ADAM12: variants seen among roughly 807,000 people sequenced by gnomAD.
ADAM12 encodes the protein disintegrin and metalloproteinase domain-containing protein 12.
In ADAM12, 70 loss-of-function variants were observed where a neutral mutation model predicts 106.4. The observed-to-expected ratio is 0.66, with a 90% CI of 0.54 to 0.80. The LOEUF is 0.80. Ranked by LOEUF, ADAM12 falls within the 30% of genes least tolerant of loss-of-function variation. The pLI is 0.00. For synonymous variants in ADAM12, 420 were observed against 433.5 expected, an observed-to-expected ratio of 0.97 and a Z score of 0.39; for missense variants, 1,010 against 1,171.9, an observed-to-expected ratio of 0.86 and a Z score of 2.02.
intron 1 of ADAM12, among the ~76,000 whole-genome samples, chr10:126,373,466 T>C (rs1193197644): frequency 2.0e-5 from 3 of 152,206 alleles, no homozygotes; most frequent in African/African-American, 4.8e-5. Flanking sequence ...GACTGAGTGT[T>C]TGGAGTACTG....
At chr10:126,259,354 A>G (rs1958954629) in intron 3 of ADAM12, among the ~76,000 whole-genome samples, 1 of 152,234 alleles carries the variant, frequency 6.6e-6, no homozygotes, top group Non-Finnish European at 1.5e-5. Context: ...TTGAGAGGAA[A>G]GTCAAGCTCT....
intron 3 of ADAM12, among the ~76,000 whole-genome samples, chr10:126,168,966 T>C (rs1476998212): frequency 6.6e-6 from 1 of 152,092 alleles, no homozygotes; most frequent in Non-Finnish European, 1.5e-5. Flanking sequence ...GGCAGGAGAT[T>C]TGTGTGAATC....
At chr10:126,362,636 T>A (rs1855779158) in intron 1 of ADAM12, among the ~76,000 whole-genome samples, 1 of 152,086 alleles carries the variant, frequency 6.6e-6, no homozygotes, top group Non-Finnish European at 1.5e-5. Context: ...AAATCTGTAA[T>A]TTGCAATATG....
chr10:126,159,031 T>C (rs546004386), intron 3 of ADAM12, among the ~76,000 whole-genome samples: 5 of 152,184 alleles, frequency 3.3e-5, no homozygotes, highest in Admixed American at 1.3e-4. Context: ...AGCACACGGC[T>C]GGGCACAGTG....
Position 126,017,225 on chromosome 10 carries a change from G to T in ADAM12, c.*54C>A. 1 of 1,464,452 alleles carries T rather than the reference G, an allele frequency of 6.8e-7. No individual in the cohort carries two copies. Among genetic ancestry groups the T allele is most frequent in the Non-Finnish European group, 9.2e-7 (1 of 1,081,720 alleles). 90.7% of individuals were successfully genotyped at this position (1,464,452 alleles called of 1,614,324 possible). A position where few individuals can be genotyped will look rare whatever the true frequency, so the allele number is the denominator to read the frequency against. On this transcript the variant is annotated 3_prime_UTR_variant, in exon 23 of 23. Transcript: ENST00000448723. Reference sequence around the variant, plus strand: ...GTTGGTACAAAAAACTCCAACTGGAGCTGAAAGATAGTGCAAACTTCTGTC... The same window carrying T: ...GTTGGTACAAAAAACTCCAACTGGATCTGAAAGATAGTGCAAACTTCTGTC...
chr10:126,331,403 T>A (rs1854506165), intron 1 of ADAM12, among the ~76,000 whole-genome samples: 1 of 152,210 alleles, frequency 6.6e-6, no homozygotes, highest in Non-Finnish European at 1.5e-5. Context: ...CAGTTTTAAG[T>A]TACTAAAGAG....
chr10:126,307,043 G>C (rs1242721490), intron 2 of ADAM12, among the ~76,000 whole-genome samples: 1 of 152,006 alleles, frequency 6.6e-6, no homozygotes, highest in African/African-American at 2.4e-5. Flanking sequence ...GCTCTGTTCT[G>C]TTCCTTCCAT....
chr10:126,253,119 C>T (rs942118032), intron 3 of ADAM12, among the ~76,000 whole-genome samples: 1 of 152,224 alleles, frequency 6.6e-6, no homozygotes, highest in Non-Finnish European at 1.5e-5. Context: ...CCAAAATATG[C>T]TTAGCACTCA....
Position 126,039,302 on chromosome 10 carries a change from T to C in ADAM12, c.2232A>G (p.Glu744=). Residue 744 remains glutamate (E), a synonymous_variant, in exon 19 of 23, where the codon GAA becomes GAG. Transcript: ENST00000448723. ...LLFTNKKTTI[E]KLRCVRPSRP... Reference sequence around the variant, plus strand: ...AGCTAAACCCAGGGTACCTTAGTTTTTCAATGGTGGTCTTCTTATTTGTAA... The same window carrying C: ...AGCTAAACCCAGGGTACCTTAGTTTCTCAATGGTGGTCTTCTTATTTGTAA... 6.2e-7 allele frequency: 1 copy of C among 1,613,894 alleles called. No homozygotes were observed. The highest frequency in any genetic ancestry group is 8.5e-7 in the Non-Finnish European group (1 of 1,179,906).
chr10:126,073,393 CT>C lies in ADAM12; in HGVS notation c.1146-1740del, dbSNP rs1164258179. Among the ~76,000 whole-genome samples, 572 of 148,126 alleles carry C rather than the reference CT, an allele frequency of 3.9e-3. 4 individuals are homozygous for C. Among genetic ancestry groups the C allele is most frequent in the African/African-American group, 9.1e-3 (368 of 40,586 alleles). ...ATGAGCCTTTAAGCCTGGCCCTTAA[CT>C]TTTTTTTTTTAACTTTAATTGTAGG... On this transcript the variant is annotated intron_variant, in intron 11 of 22. Transcript: ENST00000448723.
At chr10:126,092,704 G>A (rs1298124615) in intron 11 of ADAM12, among the ~76,000 whole-genome samples, 3 of 152,164 alleles carry the variant, frequency 2.0e-5, no homozygotes, top group Non-Finnish European at 4.4e-5. Context: ...ATGCTTAAGA[G>A]GGAACCACAA....
intron 10 of ADAM12, among the ~76,000 whole-genome samples, chr10:126,095,447 T>G (rs1955538752): frequency 7.3e-6 from 1 of 137,632 alleles, no homozygotes; most frequent in South Asian, 2.4e-4. Context: ...GGCAGGAGAA[T>G]GGCGTGAACC....
intron 11 of ADAM12, among the ~76,000 whole-genome samples, chr10:126,076,054 G>T (rs1299053024): frequency 1.3e-5 from 2 of 152,128 alleles, no homozygotes; most frequent in African/African-American, 4.8e-5. Flanking sequence ...CCCAATAGGT[G>T]GTTTTTCAGC....
rs145783819 is a variant in ADAM12 at position 126,229,217 on chromosome 10, G to A, written c.260+49698C>T. Among the ~76,000 whole-genome samples, 737 of 152,202 alleles carry A rather than the reference G, an allele frequency of 4.8e-3. 2 individuals carry two copies. The highest frequency in any genetic ancestry group is 8.6e-3 in the African/African-American group (356 of 41,526). ...AACCAGGAGGTGGGCAGGGGCTTCCGGTGGAGGGAGGGGAATCTAGGAGGG... is the reference window on the plus strand; with the variant it reads ...AACCAGGAGGTGGGCAGGGGCTTCCAGTGGAGGGAGGGGAATCTAGGAGGG... On this transcript the variant is annotated intron_variant, in intron 3 of 22. Transcript: ENST00000448723.
chr10:126,170,101 G>T (rs972743315), intron 3 of ADAM12, among the ~76,000 whole-genome samples: 114 of 152,206 alleles, frequency 7.5e-4, no homozygotes, highest in African/African-American at 2.7e-3. Context: ...TTTCTTGGCC[G>T]TGGCGGAAGC....
At chr10:126,247,618 G>A (rs1958655479) in intron 3 of ADAM12, among the ~76,000 whole-genome samples, 1 of 152,208 alleles carries the variant, frequency 6.6e-6, no homozygotes, top group Non-Finnish European at 1.5e-5. Context: ...CACAGCCAAA[G>A]AAAAGAGTGA....
intron 6 of ADAM12, among the ~76,000 whole-genome samples, chr10:126,113,720 ATATATATATAT>A (rs544794294): frequency 0.088 from 5,305 of 60,340 alleles, 656 homozygotes; most frequent in African/African-American, 0.099. Flanking sequence ...ATATATATAT[ATATATATATAT>A]AATATATTGC....
intron 4 of ADAM12, among the ~76,000 whole-genome samples, chr10:126,153,677 T>A (rs1216301282): frequency 6.8e-6 from 1 of 146,338 alleles, no homozygotes; most frequent in African/African-American, 2.5e-5. Flanking sequence ...GGCTTGTAAT[T>A]TTGATTTGGG....
intron 1 of ADAM12, among the ~76,000 whole-genome samples, chr10:126,367,770 A>T (rs942609468): frequency 6.6e-6 from 1 of 151,988 alleles, no homozygotes; most frequent in African/African-American, 2.4e-5. Flanking sequence ...TTATGCCAAT[A>T]TGTTTGTTAA....
Sources: gnomAD v4.1 joint callset for allele counts (sites outside exome capture counted in the v4.1 genomes callset) on GRCh38, gnomAD v4.1.1 for gene constraint, MANE v1.5 for transcripts, NCBI Gene and HGNC (gene_info 2026-07-23, HGNC 2026-07-21) for gene names.